The following UTRN variants were observed in gnomAD, a reference collection of about 807,000 sequenced individuals.
UTRN encodes utrophin.
Under a neutral mutation model 463.9 loss-of-function variants are expected in UTRN, and 283 were observed. The observed-to-expected ratio is 0.61, with a 90% confidence interval of 0.55 to 0.67. The LOEUF (loss-of-function observed/expected upper bound fraction) is 0.67, where lower values mean the gene tolerates loss of function less well. UTRN is among the 30% of genes least tolerant of loss of function. UTRN has a pLI of 0.00. For synonymous variants in UTRN, 1,442 were observed against 1,431.5 expected (o/e 1.01, Z -0.17); for missense variants, 3,922 against 4,084.3 (o/e 0.96, Z 1.08).
chr6:144,452,688 A>G (rs531049285), intron 18 of UTRN, among the ~76,000 whole-genome samples: 150 of 152,148 alleles, frequency 9.9e-4, no homozygotes, highest in Middle Eastern at 3.4e-3. Context: ...GCTCACGCTT[A>G]TAATTCCAGC....
intron 2 of UTRN, among the ~76,000 whole-genome samples, chr6:144,352,725 AAAT>A (rs1778217910): frequency 6.6e-6 from 1 of 152,236 alleles, no homozygotes; most frequent in African/African-American, 2.4e-5. Context: ...ATCTAAATAA[AAAT>A]AAAAGGTCGT....
chr6:144,324,525 G>A (rs1212446128), intron 2 of UTRN, among the ~76,000 whole-genome samples: 2 of 152,154 alleles, frequency 1.3e-5, no homozygotes, highest in Non-Finnish European at 2.9e-5. Flanking sequence ...TCTGGGTTTG[G>A]CCATAAAGTA....
chr6:144,458,931 A>G lies in UTRN; in HGVS notation c.2446A>G (p.Thr816Ala), dbSNP rs746480801. 8 of 1,613,946 alleles carry G rather than the reference A, an allele frequency of 5.0e-6. No homozygotes were observed. The East Asian group carries it at 1.1e-4, about 22-fold the overall frequency. ...QLDELEKVIK[T>A]KEEWVKHTSI... is the part of the protein sequence containing the mutation. Reference sequence around the variant, plus strand: ...TGATGAGCTTGAAAAGGTCATCAAGACAAAGGAGGAGTGGGTAAAACACAC... The same window carrying G: ...TGATGAGCTTGAAAAGGTCATCAAGGCAAAGGAGGAGTGGGTAAAACACAC... Residue 816 changes from threonine (T) to alanine (A), a missense_variant, in exon 20 of 75, where the codon ACA becomes GCA. By Grantham distance (58) the Thr-to-Ala change is moderately conservative. This residue lies in a region of UTRN where 2,349 missense variants were observed against 2,303.8 expected (regional missense o/e 1.02). Transcript: ENST00000367545.
intron 35 of UTRN, among the ~76,000 whole-genome samples, chr6:144,512,473 A>G (rs1795257534): frequency 6.6e-6 from 1 of 150,808 alleles, no homozygotes; most frequent in African/African-American, 2.4e-5. Flanking sequence ...ATTAGTTCAC[A>G]TTTTCTTTTT....
intron 65 of UTRN, among the ~76,000 whole-genome samples, chr6:144,819,911 C>CCTCCTCTCTCTCT (rs11397588): frequency 1.7e-5 from 2 of 118,632 alleles, no homozygotes; most frequent in African/African-American, 7.6e-5. Flanking sequence ...TCCTCCTCCT[C>CCTCCTCTCTCTCT]CTCTCTCTCT....
intron 51 of UTRN, among the ~76,000 whole-genome samples, chr6:144,609,831 AC>A (rs1411265529): frequency 6.6e-6 from 1 of 152,178 alleles, no homozygotes; most frequent in Non-Finnish European, 1.5e-5. Context: ...CTAAACAGCC[AC>A]TGGGTCACAG....
chr6:144,321,158 T>C (rs1211783909), intron 2 of UTRN, among the ~76,000 whole-genome samples: 4 of 152,224 alleles, frequency 2.6e-5, no homozygotes, highest in Non-Finnish European at 5.9e-5. Flanking sequence ...AGTAGCTTAA[T>C]GGTTTTTCAT....
chr6:144,842,386 C>A (rs1781660763), intron 73 of UTRN, among the ~76,000 whole-genome samples: 1 of 152,052 alleles, frequency 6.6e-6, no homozygotes, highest in Admixed American at 6.6e-5. Context: ...TTGAGACCAG[C>A]CTGATTAACA....
At chr6:144,552,028 C>G (rs939228895) in intron 48 of UTRN, among the ~76,000 whole-genome samples, 1 of 152,138 alleles carries the variant, frequency 6.6e-6, no homozygotes, top group African/African-American at 2.4e-5. Flanking sequence ...CTTACAACTA[C>G]TTTAATTGTC....
intron 3 of UTRN, among the ~76,000 whole-genome samples, chr6:144,414,014 G>T (rs1784148316): frequency 6.6e-6 from 1 of 152,010 alleles, no homozygotes; most frequent in African/African-American, 2.4e-5. Context: ...ATATTGGCAG[G>T]CTGGTCTCGA....
chr6:144,343,897 T>A (rs759369251), intron 2 of UTRN, among the ~76,000 whole-genome samples: 2 of 152,068 alleles, frequency 1.3e-5, no homozygotes, highest in Non-Finnish European at 2.9e-5. Flanking sequence ...CAGCTGATAC[T>A]GTCAAAACAG....
At chr6:144,793,662 A>G (rs1776957704) in intron 62 of UTRN, among the ~76,000 whole-genome samples, 172 bp from the exon 63 acceptor site, 1 of 152,210 alleles carries the variant, frequency 6.6e-6, no homozygotes, top group South Asian at 2.1e-4. Flanking sequence ...TGTAATGCAG[A>G]ATATTAAGAT....
intron 61 of UTRN, among the ~76,000 whole-genome samples, chr6:144,783,037 A>C (rs1775984164): frequency 6.6e-6 from 1 of 152,008 alleles, no homozygotes; most frequent in African/African-American, 2.4e-5. Context: ...CTCTACTAAA[A>C]ATACAAAAAT....
intron 2 of UTRN, among the ~76,000 whole-genome samples, chr6:144,315,334 G>A (rs563658005): frequency 6.6e-6 from 1 of 152,166 alleles, no homozygotes; most frequent in Non-Finnish European, 1.5e-5. Context: ...GGGGCAGTAG[G>A]TCAGTCAGGG....
At chr6:144,719,658 G>A (rs1786893204) in intron 53 of UTRN, among the ~76,000 whole-genome samples, 2 of 152,182 alleles carry the variant, frequency 1.3e-5, no homozygotes, top group African/African-American at 4.8e-5. Flanking sequence ...AGCTTGGCAT[G>A]TTCTCGGAAC....
intron 51 of UTRN, among the ~76,000 whole-genome samples, chr6:144,661,204 C>T (rs1310291521): frequency 6.6e-6 from 1 of 152,140 alleles, no homozygotes; most frequent in African/African-American, 2.4e-5. Context: ...TGGATTGAGT[C>T]ATTAAAAGAA....
At chr6:144,484,428 CA>C (rs1172606805) in intron 27 of UTRN, among the ~76,000 whole-genome samples, 1 of 137,384 alleles carries the variant, frequency 7.3e-6, no homozygotes, top group Non-Finnish European at 1.6e-5. Context: ...GTTCAAAAAC[CA>C]AACTTTTTTT....
At chr6:144,424,207 A>G in intron 6 of UTRN, 129 bp downstream of exon 6, 2 of 961,080 alleles carry the variant, frequency 2.1e-6, no homozygotes, top group Non-Finnish European at 1.6e-6. Flanking sequence ...GTTGTCTCCC[A>G]GTTCTGGAGG....
chr6:144,564,429 G>A (rs1800212509), intron 50 of UTRN, among the ~76,000 whole-genome samples: 1 of 152,300 alleles, frequency 6.6e-6, no homozygotes, highest in South Asian at 2.1e-4. Context: ...AAGAGCTTGA[G>A]ATGCGGTAGG....
Sources: gnomAD v4.1 joint callset for allele counts (sites outside exome capture counted in the v4.1 genomes callset) on GRCh38, gnomAD v4.1.1 for gene constraint, gnomAD v4.1.1 regional missense constraint, MANE v1.5 for transcripts, NCBI Gene and HGNC (gene_info 2026-07-23, HGNC 2026-07-21) for gene names.